CEP57L1: variants seen among roughly 807,000 people sequenced by gnomAD.
CEP57L1 encodes centrosomal protein 57 like 1, also known as centrosomal protein CEP57L1.
In CEP57L1, 37 loss-of-function variants were observed where a neutral mutation model predicts 61.0. That is an observed-to-expected ratio of 0.61 (90% CI 0.47 to 0.80). The LOEUF (loss-of-function observed/expected upper bound fraction) is 0.80, where lower values mean the gene tolerates loss of function less well. CEP57L1 is among the 30% of genes least tolerant of loss of function. The probability of loss-of-function intolerance (pLI) is 0.00; values close to 1 mark genes in which losing one functional copy is unlikely to be tolerated. For synonymous variants in CEP57L1, 137 were observed against 162.3 expected (o/e 0.84, Z 1.19); for missense variants, 422 against 524.7 (o/e 0.80, Z 1.91).
rs142443421 is a variant in CEP57L1 at position 109,104,580 on chromosome 6, GTT to G, written c.-4+9007_-4+9008del. 4.3e-3 allele frequency among the ~76,000 whole-genome samples: 657 copies of G among 151,878 alleles called. 11 individuals are homozygous for G. The highest frequency in any genetic ancestry group is 0.015 in the African/African-American group (636 of 41,398). On this transcript the variant is annotated intron_variant, in intron 1 of 10. Transcript: ENST00000517392. ...AGGCGTGTTTTTTTGTTTGTTTTTT[GTT>G]TGTTTGTTTTGTTTTGTGAGACAGA...
intron 9 of CEP57L1, 122 bp downstream of exon 9, chr6:109,159,584 C>T: frequency 2.5e-6 from 2 of 806,694 alleles, no homozygotes; most frequent in Middle Eastern, 2.4e-4. Context: ...GCTAGGATTA[C>T]AAGCATGAGC....
intron 1 of CEP57L1, among the ~76,000 whole-genome samples, chr6:109,112,995 G>C (rs1221390419): frequency 6.6e-6 from 1 of 152,094 alleles, no homozygotes; most frequent in African/African-American, 2.4e-5. Context: ...TGTTGATTTG[G>C]GGTGGAGAGT....
rs1369802305 is a variant in CEP57L1 at position 109,174,221 on chromosome 6, G to C, written c.*11251G>C. The stretch of plus-strand genomic sequence containing the variant: ...TACTTTACTCTTTTCTTTTGAGAAG[G>C]GAGAGAGTATGTTATGCACTGAGAA... On this transcript the variant is annotated 3_prime_UTR_variant, in exon 11 of 11. Coordinates refer to ENST00000517392, the MANE Select transcript of CEP57L1 (RefSeq NM_001271852.3). Among the ~76,000 whole-genome samples, 1 of 152,162 alleles carries C rather than the reference G, an allele frequency of 6.6e-6. No individual in the cohort carries two copies. The highest frequency in any genetic ancestry group is 2.4e-5 in the African/African-American group (1 of 41,434).
chr6:109,122,154 A>G (rs1486195984), intron 1 of CEP57L1, among the ~76,000 whole-genome samples: 1 of 152,194 alleles, frequency 6.6e-6, no homozygotes, highest in Non-Finnish European at 1.5e-5. Context: ...AGACTACTTT[A>G]AGTTAAATTC....
intron 1 of CEP57L1, among the ~76,000 whole-genome samples, chr6:109,098,311 C>T (rs903993350): frequency 1.3e-5 from 2 of 152,116 alleles, no homozygotes; most frequent in Admixed American, 6.6e-5. Context: ...CCATACCTGG[C>T]TAATTTTGTG....
chr6:109,101,706 C>T (rs1282477897), intron 1 of CEP57L1, among the ~76,000 whole-genome samples: 1 of 151,868 alleles, frequency 6.6e-6, no homozygotes, highest in Non-Finnish European at 1.5e-5. Context: ...CTGCAAACTC[C>T]GCTGCCGGGT....
intron 1 of CEP57L1, among the ~76,000 whole-genome samples, chr6:109,135,868 G>A (rs369210663): frequency 2.0e-5 from 3 of 152,136 alleles, no homozygotes; most frequent in African/African-American, 4.8e-5. Context: ...CAGTGAGATA[G>A]CATCTCACAC....
chr6:109,109,570 T>G (rs1771334509), intron 1 of CEP57L1, among the ~76,000 whole-genome samples: 1 of 152,218 alleles, frequency 6.6e-6, no homozygotes, highest in South Asian at 2.1e-4. Context: ...CTTTAAGTTC[T>G]GGGATACATA....
chr6:109,142,438 A>C (rs1052517705), intron 1 of CEP57L1, among the ~76,000 whole-genome samples: 2 of 152,136 alleles, frequency 1.3e-5, no homozygotes, highest in Non-Finnish European at 1.5e-5. Context: ...AGAGAGGGGA[A>C]CAACATACAC....
At chr6:109,160,446 C>G in intron 9 of CEP57L1, 126 bp from the exon 10 acceptor site, 3 of 662,706 alleles carry the variant, frequency 4.5e-6, no homozygotes, top group Non-Finnish European at 7.7e-6. Flanking sequence ...AAGAAAGAGG[C>G]TGTTTTTAAA....
intron 5 of CEP57L1, 57 bp downstream of exon 5, chr6:109,154,006 T>A: frequency 1.1e-6 from 1 of 883,454 alleles, no homozygotes; most frequent in Non-Finnish European, 1.8e-6. Context: ...TAAGCATAAT[T>A]GGTATTTTAT....
chr6:109,109,755 G>T (rs147173632), intron 1 of CEP57L1, among the ~76,000 whole-genome samples: 37 of 152,074 alleles, frequency 2.4e-4, no homozygotes, highest in Non-Finnish European at 5.1e-4. Flanking sequence ...CGTTCTCATC[G>T]TTCAACTCCC....
chr6:109,150,049 A>G (rs1030374200), intron 3 of CEP57L1, 69 bp from the exon 4 acceptor site: 141 of 924,924 alleles, frequency 1.5e-4, no homozygotes, highest in Non-Finnish European at 2.2e-4. Flanking sequence ...TAGATATACA[A>G]TCATGTCATC....
chr6:109,110,765 C>G (rs1361355235), intron 1 of CEP57L1, among the ~76,000 whole-genome samples: 2 of 152,154 alleles, frequency 1.3e-5, no homozygotes, highest in Non-Finnish European at 2.9e-5. Context: ...TTTCCCAGCA[C>G]CATTTATTAA....
intron 3 of CEP57L1, among the ~76,000 whole-genome samples, chr6:109,148,244 G>A (rs534038516): frequency 3.4e-4 from 51 of 152,074 alleles, no homozygotes; most frequent in African/African-American, 1.1e-3. Context: ...CATTAGGTAT[G>A]TCTTCTAATG....
intron 1 of CEP57L1, among the ~76,000 whole-genome samples, chr6:109,098,442 G>A (rs146142912): frequency 5.5e-4 from 83 of 151,528 alleles, no homozygotes; most frequent in African/African-American, 1.6e-3. Context: ...CACCGTGCCC[G>A]GCCTCTTTCT....
In CEP57L1 at chr6:109,168,101, G is replaced by A. The variant is rs182885584; in HGVS notation, c.*5131G>A. Among the ~76,000 whole-genome samples the A allele has an allele frequency of 8.6e-4, 131 of 152,302 alleles. No homozygotes were observed. Among genetic ancestry groups the A allele is most frequent in the African/African-American group, 3.1e-3 (128 of 41,560 alleles). On this transcript the variant is annotated 3_prime_UTR_variant, in exon 11 of 11. Transcript: ENST00000517392. The stretch of plus-strand genomic sequence containing the variant: ...TATCGATAAAGTGCTTAAGAAGTTG[G>A]CCTGTTTGTAATTTCTTCATTTTCT...
intron 1 of CEP57L1, among the ~76,000 whole-genome samples, chr6:109,125,492 C>CTATATATATATA (rs3081793): frequency 7.3e-4 from 105 of 143,066 alleles, no homozygotes; most frequent in African/African-American, 2.5e-3. Context: ...TTTTTAAATG[C>CTATATATATATA]TATATATATA....
intron 2 of CEP57L1, among the ~76,000 whole-genome samples, chr6:109,146,162 A>G (rs73762649): frequency 2.4e-4 from 36 of 152,100 alleles, no homozygotes; most frequent in African/African-American, 8.2e-4. Flanking sequence ...CTCTGAACTT[A>G]TCTGAAGCAT....
Sources: allele counts gnomAD v4.1 joint callset (sites outside exome capture counted in the v4.1 genomes callset), GRCh38; gene constraint gnomAD v4.1.1; transcripts MANE v1.5; gene names NCBI Gene and HGNC (gene_info 2026-07-23, HGNC 2026-07-21).